Variants in HEPACAM observed in about 807,000 individuals in gnomAD.
The protein encoded by HEPACAM is hepatocyte cell adhesion molecule.
A neutral mutation model predicts 38.3 loss-of-function variants in HEPACAM; 18 were observed. That is an observed-to-expected ratio of 0.47 (90% CI 0.33 to 0.70). HEPACAM has a LOEUF of 0.70. Among genes scored for constraint, HEPACAM ranks in the 30% least tolerant of loss-of-function variants. The pLI, the probability that HEPACAM is intolerant of heterozygous loss-of-function variation, is 0.03. For missense variants in HEPACAM, 466 were observed against 563.0 expected, an observed-to-expected ratio of 0.83 and a Z score of 1.74; for synonymous variants, 216 against 243.1, an observed-to-expected ratio of 0.89 and a Z score of 1.04.
chr11:124,920,446 C>A lies in HEPACAM; in HGVS notation c.*692G>T, dbSNP rs1947112398. On this transcript the variant is annotated 3_prime_UTR_variant, in exon 7 of 7. Coordinates refer to ENST00000298251, the MANE Select transcript of HEPACAM (RefSeq NM_152722.5). ...TGTGGGAGGAGGCCAAGCTGGCAGG[C>A]TCGGGTTCTTTGCCCTTGCTAGCGC... The A allele has an allele frequency of 6.5e-7, 1 of 1,546,420 alleles. No homozygotes were observed. Among genetic ancestry groups the A allele is most frequent in the Non-Finnish European group, 8.7e-7 (1 of 1,144,998 alleles).
chr11:124,927,088 T>C (rs944412759), intron 1 of HEPACAM, among the ~76,000 whole-genome samples: 4 of 152,172 alleles, frequency 2.6e-5, no homozygotes, highest in African/African-American at 7.2e-5. Flanking sequence ...GCCAGGATGG[T>C]GTCAATCTCC....
At chr11:124,931,730 G>C (rs908218156) in intron 1 of HEPACAM, among the ~76,000 whole-genome samples, 1 of 152,148 alleles carries the variant, frequency 6.6e-6, no homozygotes, top group African/African-American at 2.4e-5. Flanking sequence ...ATCCCCAAAA[G>C]AAATGCCCAT....
chr11:124,935,169 C>A (rs533342938), intron 1 of HEPACAM, among the ~76,000 whole-genome samples: 21 of 152,300 alleles, frequency 1.4e-4, no homozygotes, highest in Admixed American at 3.9e-4. Context: ...GCACCAGCTT[C>A]CTGGATGGGG....
chr11:124,930,876 G>T (rs530311435), intron 1 of HEPACAM, among the ~76,000 whole-genome samples: 42 of 152,254 alleles, frequency 2.8e-4, no homozygotes, highest in South Asian at 6.2e-4. Context: ...AATATGAAAG[G>T]TAAAACAACA....
Position 124,924,611 on chromosome 11 carries a change from T to C in HEPACAM, c.427+117A>G. The C allele has an allele frequency of 1.1e-6, 1 of 898,950 alleles. No individual in the cohort carries two copies. The highest frequency in any genetic ancestry group is 1.9e-6 in the Non-Finnish European group (1 of 532,942). The allele number at this position is 898,950 out of a possible 1,614,324, so 55.7% of individuals were successfully genotyped here. On this transcript the variant is annotated intron_variant, in intron 2 of 6. Coordinates refer to ENST00000298251, the MANE Select transcript of HEPACAM (RefSeq NM_152722.5). The surrounding 1 kb of genome is among the most constrained non-coding windows in gnomAD (Gnocchi z 4.4). ...AACTTCTAATGTCCACTTGCCTCAT[T>C]CTCAGCTCCCAAGTGCCTTTTGGGT...
rs1046772471 is a variant in HEPACAM, at chr11:124,931,400, T to G, written c.85+4522A>C. ...TTAAAAAAAAATTATAGAGAAGAGA[T>G]CTTACTACATTGCCCAGGCTGGTCT... On this transcript the variant is annotated intron_variant, in intron 1 of 6. Coordinates refer to ENST00000298251, the MANE Select transcript of HEPACAM (RefSeq NM_152722.5). Among the ~76,000 whole-genome samples the G allele has an allele frequency of 2.0e-5, 3 of 151,986 alleles. No individual in the cohort carries two copies. The South Asian group carries it at 6.2e-4, about 31-fold the overall frequency.
chr11:124,920,465 C>CTA lies in HEPACAM; in HGVS notation c.*671_*672dup. 1 of 1,541,956 alleles carries CTA rather than the reference C, an allele frequency of 6.5e-7. No homozygotes were observed. Among genetic ancestry groups the CTA allele is most frequent in the Non-Finnish European group, 8.8e-7 (1 of 1,142,140 alleles). ...GGCAGGCTCGGGTTCTTTGCCCTTG[C>CTA]TAGCGCCCAGGTCAGAGGGAAAAGG... On this transcript the variant is annotated 3_prime_UTR_variant, in exon 7 of 7. Transcript: ENST00000298251.
rs1190679263 is a variant in HEPACAM at position 124,924,168 on chromosome 11, A to G, written c.428-158T>C. 6.6e-6 allele frequency among the ~76,000 whole-genome samples: 1 copy of G among 152,174 alleles called. No homozygotes were observed. The highest frequency in any genetic ancestry group is 1.9e-4 in the East Asian group (1 of 5,194). On this transcript the variant is annotated intron_variant, in intron 2 of 6. Transcript: ENST00000298251. The surrounding 1 kb of genome is among the most constrained non-coding windows in gnomAD (Gnocchi z 4.4). ...GACATCCTAAGTCCAGTTCTTTCCCATCGCTTATTCATTCGTTTCACTGAC... is the reference window on the plus strand; with the variant it reads ...GACATCCTAAGTCCAGTTCTTTCCCGTCGCTTATTCATTCGTTTCACTGAC...
At chr11:124,927,484 AG>A (rs1275556531) in intron 1 of HEPACAM, among the ~76,000 whole-genome samples, 1 of 142,832 alleles carries the variant, frequency 7.0e-6, no homozygotes, top group Non-Finnish European at 1.5e-5. Context: ...CTGGGACCAC[AG>A]GCATGTGCCA....
chr11:124,922,215 C>T (rs1947149340), intron 6 of HEPACAM, among the ~76,000 whole-genome samples, 173 bp downstream of exon 6: 1 of 152,206 alleles, frequency 6.6e-6, no homozygotes. Flanking sequence ...CATCCTGAAA[C>T]CACCCGCATC....
chr11:124,933,921 C>T (rs1205234977), intron 1 of HEPACAM, among the ~76,000 whole-genome samples: 1 of 152,180 alleles, frequency 6.6e-6, no homozygotes, highest in East Asian at 1.9e-4. Context: ...GCATTTCTTC[C>T]TCTGCTTCCT....
chr11:124,934,812 C>T (rs2135409086), intron 1 of HEPACAM, among the ~76,000 whole-genome samples: 1 of 152,242 alleles, frequency 6.6e-6, no homozygotes, highest in Non-Finnish European at 1.5e-5. Flanking sequence ...CCCCTGCAGA[C>T]TGAGTAAGCT....
chr11:124,922,398 A>C lies in HEPACAM; in HGVS notation c.938T>G (p.Leu313Arg). The C allele has an allele frequency of 6.2e-7, 1 of 1,614,104 alleles. No individual in the cohort carries two copies. The change falls in exon 6 of 7, where the codon CTG (leucine) becomes CGG (arginine). Residue 313 changes from leucine to arginine, a missense_variant. Coordinates refer to ENST00000298251, the MANE Select transcript of HEPACAM (RefSeq NM_152722.5). Reference protein sequence around the residue: ...ERKNPMALYILKDKDSPETEE... With the variant: ...ERKNPMALYIRKDKDSPETEE... ...TCCAGAGCCGCTCACCTTGTCCTTC[A>C]GGATATAGAGTGCCATGGGGTTCTT...
chr11:124,927,523 G>GTT (rs1019070666), intron 1 of HEPACAM, among the ~76,000 whole-genome samples: 18 of 97,582 alleles, frequency 1.8e-4, no homozygotes, highest in Non-Finnish European at 2.7e-4. Context: ...TTTTTTTTTT[G>GTT]TTTTTTTTTT....
intron 1 of HEPACAM, among the ~76,000 whole-genome samples, chr11:124,926,570 C>T (rs1422788747): frequency 6.6e-6 from 1 of 152,128 alleles, no homozygotes; most frequent in African/African-American, 2.4e-5. Flanking sequence ...GCAATCCAAC[C>T]ACCCGAAGGA....
At chr11:124,926,596 G>T (rs940491325) in intron 1 of HEPACAM, among the ~76,000 whole-genome samples, 2 of 152,148 alleles carry the variant, frequency 1.3e-5, no homozygotes, top group African/African-American at 4.8e-5. Flanking sequence ...TTCTGGAGAG[G>T]ACGCCGGTTG....
rs535389605 is a variant in HEPACAM at position 124,932,757 on chromosome 11, C to T, written c.85+3165G>A. On this transcript the variant is annotated intron_variant, in intron 1 of 6. Coordinates refer to ENST00000298251, the MANE Select transcript of HEPACAM (RefSeq NM_152722.5). Reference sequence around the variant, plus strand: ...GCAAGTGATACGTATCACTTACAGACCTTGTTTGGCAAAGTCTTCCTTTTA... The same window carrying T: ...GCAAGTGATACGTATCACTTACAGATCTTGTTTGGCAAAGTCTTCCTTTTA... Among the ~76,000 whole-genome samples, 10 of 152,192 alleles carry T rather than the reference C, an allele frequency of 6.6e-5. No homozygotes were observed. The South Asian group carries it at 2.1e-3, about 32-fold the overall frequency.
chr11:124,925,198 C>T (rs939436729), intron 1 of HEPACAM, 129 bp from the exon 2 acceptor site: 2 of 685,236 alleles, frequency 2.9e-6, no homozygotes, highest in Non-Finnish European at 4.8e-6. Context: ...CCAATCCTGG[C>T]TTCTTAAGCC....
Position 124,920,581 on chromosome 11 carries a change from A to G in HEPACAM, c.*557T>C. On this transcript the variant is annotated 3_prime_UTR_variant, in exon 7 of 7. Coordinates refer to ENST00000298251, the MANE Select transcript of HEPACAM (RefSeq NM_152722.5). ...GCCTTCACAATGATCCCCCCAGCTC[A>G]GAACAGCCCCTGCACACCCAGTAAC... 1 of 1,245,732 alleles carries G rather than the reference A, an allele frequency of 8.0e-7. No homozygotes were observed. The highest frequency in any genetic ancestry group is 1.0e-6 in the Non-Finnish European group (1 of 972,700). The allele number at this position is 1,245,732 out of a possible 1,614,324, so 77.2% of individuals were successfully genotyped here.
Sources: gnomAD v4.1 joint callset for allele counts (sites outside exome capture counted in the v4.1 genomes callset) on GRCh38, gnomAD v4.1.1 for gene constraint, Gnocchi (gnomAD v3.1) non-coding constraint, MANE v1.5 for transcripts, NCBI Gene and HGNC (gene_info 2026-07-23, HGNC 2026-07-21) for gene names.